Variants in ADGRL3 observed in about 807,000 individuals in gnomAD.
The protein encoded by ADGRL3 is calcium-independent alpha-latrotoxin receptor 3.
A neutral mutation model predicts 153.5 loss-of-function variants in ADGRL3; 62 were observed. The observed-to-expected ratio is 0.40, with a 90% CI of 0.33 to 0.50. The LOEUF (loss-of-function observed/expected upper bound fraction) is 0.50, where lower values mean the gene tolerates loss of function less well. Ranked by LOEUF, ADGRL3 falls within the 20% of genes least tolerant of loss-of-function variation. The pLI is 0.47. For missense variants in ADGRL3, 1,641 were observed against 1,859.4 expected, an observed-to-expected ratio of 0.88 and a Z score of 2.16; for synonymous variants, 710 against 672.5, an observed-to-expected ratio of 1.06 and a Z score of -0.86.
intron 1 of ADGRL3, among the ~76,000 whole-genome samples, chr4:61,209,044 T>C (rs1437942437): frequency 1.3e-5 from 2 of 152,140 alleles, no homozygotes; most frequent in Non-Finnish European, 2.9e-5. Context: ...ATTTAAGAAC[T>C]TTAAGTTATA....
At chr4:61,717,388 TG>T (rs2096142196) in intron 6 of ADGRL3, among the ~76,000 whole-genome samples, 1 of 152,220 alleles carries the variant, frequency 6.6e-6, no homozygotes, top group Non-Finnish European at 1.5e-5. Context: ...CAGTACCAAC[TG>T]ATCTGTAATC....
chr4:62,044,010 A>G (rs948742002), intron 24 of ADGRL3, among the ~76,000 whole-genome samples: 1 of 151,970 alleles, frequency 6.6e-6, no homozygotes, highest in Non-Finnish European at 1.5e-5. Flanking sequence ...CTTTTGCAAG[A>G]TTCTGATTTC....
At chr4:62,018,363 G>A (rs1188894125) in intron 21 of ADGRL3, among the ~76,000 whole-genome samples, 2 of 152,150 alleles carry the variant, frequency 1.3e-5, no homozygotes, top group Non-Finnish European at 2.9e-5. Context: ...GACTGAGGGT[G>A]TCAGGAGAGG....
intron 1 of ADGRL3, among the ~76,000 whole-genome samples, chr4:61,339,310 C>T (rs780569477): frequency 1.7e-4 from 26 of 152,118 alleles, no homozygotes; most frequent in Non-Finnish European, 3.7e-4. Context: ...GGGTGTAAAA[C>T]GAGCACATAC....
intron 1 of ADGRL3, among the ~76,000 whole-genome samples, chr4:61,207,005 T>TA (rs1553879124): frequency 1.3e-5 from 2 of 151,544 alleles, no homozygotes; most frequent in South Asian, 2.1e-4. Flanking sequence ...AATAAATAAA[T>TA]AAATAAAATA....
chr4:62,015,203 A>C (rs769911971), intron 21 of ADGRL3, among the ~76,000 whole-genome samples: 66 of 152,310 alleles, frequency 4.3e-4, no homozygotes, highest in Middle Eastern at 3.4e-3. Context: ...TTTCTCCACT[A>C]CATACAGCTA....
intron 10 of ADGRL3, among the ~76,000 whole-genome samples, chr4:61,894,195 G>A (rs1176771775): frequency 1.3e-5 from 2 of 152,034 alleles, no homozygotes; most frequent in Non-Finnish European, 2.9e-5. Flanking sequence ...AATTCACAAC[G>A]TCTGTCATCC....
intron 5 of ADGRL3, among the ~76,000 whole-genome samples, chr4:61,598,148 G>T (rs1321441906): frequency 6.6e-6 from 1 of 151,780 alleles, no homozygotes; most frequent in African/African-American, 2.4e-5. Context: ...GCATTTCCCT[G>T]CTGTGACATT....
At chr4:61,737,910 A>G (rs2096538077) in intron 8 of ADGRL3, among the ~76,000 whole-genome samples, 1 of 151,910 alleles carries the variant, frequency 6.6e-6, no homozygotes, top group African/African-American at 2.4e-5. Context: ...TAGTCTTTTT[A>G]TCATTCCATT....
chr4:61,989,766 G>A (rs1429197349), intron 19 of ADGRL3, among the ~76,000 whole-genome samples: 1 of 151,900 alleles, frequency 6.6e-6, no homozygotes, highest in Admixed American at 6.6e-5. Context: ...TTGAATATTA[G>A]ACCTGAGTTC....
At chr4:61,830,829 G>GT (rs2097859901) in intron 9 of ADGRL3, among the ~76,000 whole-genome samples, 2 of 152,162 alleles carry the variant, frequency 1.3e-5, no homozygotes, top group Admixed American at 6.5e-5. Context: ...GATCGTGTCT[G>GT]TGTCATAATA....
At chr4:61,428,933 C>A (rs1301457774) in intron 2 of ADGRL3, among the ~76,000 whole-genome samples, 2 of 150,030 alleles carry the variant, frequency 1.3e-5, no homozygotes, top group Non-Finnish European at 3.0e-5. Flanking sequence ...ATCTATCTAT[C>A]TATCTATCTG....
chr4:61,489,240 A>G (rs1359456992), intron 2 of ADGRL3, among the ~76,000 whole-genome samples: 1 of 151,968 alleles, frequency 6.6e-6, no homozygotes, highest in Non-Finnish European at 1.5e-5. Context: ...CTCAAAGAGA[A>G]AGGACTTAAA....
At position 61,653,166 on chromosome 4, in the gene ADGRL3, TCTCTCACACACACACACACA is replaced by T. The variant is rs2094325553; in HGVS notation, c.474-23658_474-23639del. 2.2e-5 allele frequency among the ~76,000 whole-genome samples: 3 copies of T among 135,128 alleles called. No homozygotes were observed. In the South Asian group the frequency reaches 7.7e-4, roughly 35 times the overall value. 88.6% of individuals were successfully genotyped at this position (135,128 alleles called of 152,430 possible). On this transcript the variant is annotated intron_variant, in intron 5 of 26. Coordinates refer to ENST00000683033, the MANE Select transcript of ADGRL3 (RefSeq NM_001387552.1). ...CTCTCTCTCTGTCTCTCTCTCTCTC[TCTCTCACACACACACACACA>T]CACACACACACACACACACACAGAG... is the stretch of plus-strand genomic sequence containing the variant.
At chr4:61,699,887 G>T (rs147931223) in intron 6 of ADGRL3, among the ~76,000 whole-genome samples, 2 of 151,730 alleles carry the variant, frequency 1.3e-5, no homozygotes, top group African/African-American at 2.4e-5. Flanking sequence ...GATAAACTAT[G>T]CTTATAAGAA....
At chr4:61,565,803 G>C (rs1235757863) in intron 4 of ADGRL3, among the ~76,000 whole-genome samples, 11 of 152,136 alleles carry the variant, frequency 7.2e-5, no homozygotes, top group Non-Finnish European at 1.6e-4. Flanking sequence ...CTCCCAAAGT[G>C]CTGGGATTAC....
rs535009603 is a variant in ADGRL3, at chr4:61,383,150, A to G, written c.-213A>G. ...AATGTTTAATTTGGTAAATTGGAGG[A>G]AAAAAACATGGATTTTTAGCAATTG... On this transcript the variant is annotated 5_prime_UTR_variant, in exon 2 of 27. Transcript: ENST00000683033. 2.6e-5 allele frequency: 4 copies of G among 151,616 alleles called. No individual in the cohort carries two copies. The highest frequency in any genetic ancestry group is 4.2e-4 in the South Asian group (2 of 4,794). 9.4% of individuals were successfully genotyped at this position (151,616 alleles called of 1,614,324 possible). A position where few individuals can be genotyped will look rare whatever the true frequency, so the allele number is the denominator to read the frequency against.
intron 2 of ADGRL3, among the ~76,000 whole-genome samples, chr4:61,397,361 G>A (rs1291538942): frequency 1.3e-5 from 2 of 151,824 alleles, no homozygotes; most frequent in Non-Finnish European, 2.9e-5. Flanking sequence ...GCTGAGTCAC[G>A]CTCCATTTGT....
intron 2 of ADGRL3, among the ~76,000 whole-genome samples, chr4:61,465,892 C>T (rs549860258): frequency 8.4e-4 from 127 of 151,576 alleles, no homozygotes; most frequent in Non-Finnish European, 1.4e-3. Flanking sequence ...GAGGCCTATG[C>T]GGGTGGATTG....
Sources: gnomAD v4.1 joint callset for allele counts (sites outside exome capture counted in the v4.1 genomes callset) on GRCh38, gnomAD v4.1.1 for gene constraint, MANE v1.5 for transcripts, NCBI Gene and HGNC (gene_info 2026-07-23, HGNC 2026-07-21) for gene names.